FSTL4: variants seen among roughly 807,000 people sequenced by gnomAD.
FSTL4 encodes follistatin like 4, also known as follistatin-related protein 4.
A neutral mutation model predicts 78.2 loss-of-function variants in FSTL4; 28 were observed. The observed-to-expected ratio is 0.36, with a 90% CI of 0.27 to 0.49. The LOEUF (loss-of-function observed/expected upper bound fraction) is 0.49, where lower values mean the gene tolerates loss of function less well. FSTL4 is among the 20% of genes least tolerant of loss of function. The probability of loss-of-function intolerance (pLI) is 0.98; values close to 1 mark genes in which losing one functional copy is unlikely to be tolerated. For missense variants in FSTL4, 922 were observed against 1,084.9 expected (o/e 0.85, Z 2.11); for synonymous variants, 422 against 440.5 (o/e 0.96, Z 0.53).
the FSTL4 span, among the ~76,000 whole-genome samples, chr5:133,657,775 GT>G: frequency 0.55 from 73,517 of 133,712 alleles, 19,290 homozygotes; most frequent in East Asian, 0.7. Context: ...TGTTTTTTTT[GT>G]TTTTTTTTTT....
At chr5:133,681,949 A>G in the FSTL4 span, among the ~76,000 whole-genome samples, 2 of 152,224 alleles carry the variant, frequency 1.3e-5, no homozygotes, top group African/African-American at 4.8e-5. Context: ...AGCTCCTGGC[A>G]TGGAGAAAGT....
rs557904177 is a variant in FSTL4, at chr5:133,263,802, C to T, written c.728-14226G>A. Among the ~76,000 whole-genome samples, 3 of 152,176 alleles carry T rather than the reference C, an allele frequency of 2.0e-5. No individual in the cohort carries two copies. The South Asian group carries it at 6.2e-4, about 32-fold the overall frequency. ...GATAGAGAGGGAGAATTGTATGCTA[C>T]AAGAGAGAGAAGGGAGAATTTCAGA... On this transcript the variant is annotated intron_variant, in intron 6 of 15. Transcript: ENST00000265342.
rs1761085839 is a variant in FSTL4, at chr5:133,611,268, G to A, written c.-11+1057C>T. 1.3e-5 allele frequency among the ~76,000 whole-genome samples: 2 copies of A among 152,254 alleles called. No individual in the cohort carries two copies. The highest frequency in any genetic ancestry group is 4.1e-4 in the South Asian group (2 of 4,824). ...TCCTAGTGCACTTGCCGCGCCGCGCGGAGGCTCGCCGCGCTCTGGAAAACA... is the reference window on the plus strand; with the variant it reads ...TCCTAGTGCACTTGCCGCGCCGCGCAGAGGCTCGCCGCGCTCTGGAAAACA... On this transcript the variant is annotated intron_variant, in intron 1 of 15. Coordinates refer to ENST00000265342, the MANE Select transcript of FSTL4 (RefSeq NM_015082.2). The surrounding 1 kb of genome is among the most constrained non-coding windows in gnomAD (Gnocchi z 4.9).
chr5:133,299,393 C>T (rs997809869), intron 6 of FSTL4, among the ~76,000 whole-genome samples: 2 of 152,342 alleles, frequency 1.3e-5, no homozygotes, highest in East Asian at 1.9e-4. Flanking sequence ...CATCCAGTTG[C>T]TTTGAGTTTC....
chr5:133,570,157 C>T (rs554286544), intron 2 of FSTL4, among the ~76,000 whole-genome samples: 11 of 150,720 alleles, frequency 7.3e-5, no homozygotes, highest in East Asian at 2.0e-4. Flanking sequence ...TGCAGTGAGC[C>T]GAGATCGCGC....
intron 3 of FSTL4, among the ~76,000 whole-genome samples, chr5:133,444,560 C>T (rs1455198962): frequency 6.6e-6 from 1 of 152,204 alleles, no homozygotes. Flanking sequence ...CAACGTGTGC[C>T]CCCAGTGCTG....
At chr5:133,714,448 A>T in the FSTL4 span, among the ~76,000 whole-genome samples, 1 of 152,176 alleles carries the variant, frequency 6.6e-6, no homozygotes, top group Non-Finnish European at 1.5e-5. Flanking sequence ...AAGCCCGGCG[A>T]TCTCACCAGG....
At chr5:133,542,529 T>C (rs1759497747) in intron 3 of FSTL4, among the ~76,000 whole-genome samples, 1 of 152,166 alleles carries the variant, frequency 6.6e-6, no homozygotes, top group African/African-American at 2.4e-5. Context: ...ATGAAAATTG[T>C]TGTTGTTGGA....
intron 12 of FSTL4, among the ~76,000 whole-genome samples, chr5:133,219,792 C>G (rs1426039408): frequency 2.0e-5 from 3 of 152,222 alleles, no homozygotes; most frequent in Admixed American, 2.0e-4. Flanking sequence ...GGTTAGGTTA[C>G]TACAAATATA....
At chr5:133,506,247 T>A (rs1212051569) in intron 3 of FSTL4, among the ~76,000 whole-genome samples, 1 of 152,238 alleles carries the variant, frequency 6.6e-6, no homozygotes, top group Admixed American at 6.5e-5. Context: ...TCCATGTGTT[T>A]CCCTAACTCT....
chr5:133,837,777 C>A, the FSTL4 span, among the ~76,000 whole-genome samples: 2 of 152,182 alleles, frequency 1.3e-5, no homozygotes, highest in Non-Finnish European at 1.5e-5. Flanking sequence ...GCATTTCGAG[C>A]CACTTTCTGC....
intron 3 of FSTL4, among the ~76,000 whole-genome samples, chr5:133,555,652 T>C (rs1759770801): frequency 6.6e-6 from 1 of 152,182 alleles, no homozygotes; most frequent in Non-Finnish European, 1.5e-5. Context: ...TTTACAGGCC[T>C]ACTGTTTTTA....
the FSTL4 span, among the ~76,000 whole-genome samples, chr5:133,767,404 G>A: frequency 2.0e-5 from 3 of 152,172 alleles, no homozygotes; most frequent in Admixed American, 2.0e-4. Context: ...TGGAGGGTGG[G>A]CCTGCGTGTG....
chr5:133,829,794 A>G, the FSTL4 span, among the ~76,000 whole-genome samples: 1 of 152,188 alleles, frequency 6.6e-6, no homozygotes, highest in Non-Finnish European at 1.5e-5. Context: ...AGCCCTGAGG[A>G]AGAAAGCCTC....
chr5:133,768,319 A>G, the FSTL4 span, among the ~76,000 whole-genome samples: 1 of 152,156 alleles, frequency 6.6e-6, no homozygotes, highest in African/African-American at 2.4e-5. Context: ...TGAACTTTCA[A>G]CCACCACCAC....
chr5:133,733,451 T>A, the FSTL4 span, among the ~76,000 whole-genome samples: 1 of 152,160 alleles, frequency 6.6e-6, no homozygotes, highest in Non-Finnish European at 1.5e-5. Flanking sequence ...TGGCCAAAAA[T>A]ACTGAACCCA....
At position 133,249,435 on chromosome 5, in the gene FSTL4, T is replaced by A. The variant is rs1173282927; in HGVS notation, c.869A>T (p.Asn290Ile). ...IIWKRNGLTLNFLDLEDINDF... is the reference protein window; with the variant it reads ...IIWKRNGLTLIFLDLEDINDF... ...ATTGATGTCTTCCAAGTCCAGGAAGTTCAGGGTGAGCCCGTTGCGCTTCCA... is the reference window on the plus strand; with the variant it reads ...ATTGATGTCTTCCAAGTCCAGGAAGATCAGGGTGAGCCCGTTGCGCTTCCA... Residue 290 changes from asparagine to isoleucine, a missense_variant, in exon 7 of 16, where the codon AAC (asparagine) becomes ATC (isoleucine). Asn to Ile is a moderately radical substitution (Grantham distance 149). Transcript: ENST00000265342. 56 of 1,613,896 alleles carry A rather than the reference T, an allele frequency of 3.5e-5. No individual in the cohort carries two copies. Among genetic ancestry groups the A allele is most frequent in the Non-Finnish European group, 4.7e-5 (55 of 1,179,966 alleles).
intron 3 of FSTL4, chr5:133,427,809 GA>G: frequency 2.4e-6 from 1 of 414,296 alleles, no homozygotes. Flanking sequence ...TTCCTTCTCA[GA>G]GGTTTCATCT....
At chr5:133,529,941 A>C (rs1247852964) in intron 3 of FSTL4, among the ~76,000 whole-genome samples, 1 of 152,044 alleles carries the variant, frequency 6.6e-6, no homozygotes, top group East Asian at 1.9e-4. Flanking sequence ...AAACCAGTAC[A>C]TGAAGACGTG....
Sources: allele counts gnomAD v4.1 joint callset (sites outside exome capture counted in the v4.1 genomes callset), GRCh38; gene constraint gnomAD v4.1.1; non-coding constraint Gnocchi (gnomAD v3.1); transcripts MANE v1.5; gene names NCBI Gene and HGNC (gene_info 2026-07-23, HGNC 2026-07-21).